Variants in TULP4 observed in about 807,000 individuals in gnomAD.
The protein encoded by TULP4 is tubby-related protein 4.
Under a neutral mutation model 129.0 loss-of-function variants are expected in TULP4, and 16 were observed. The ratio of observed to expected loss-of-function variants is 0.12; its 90% CI spans 0.08 to 0.19. The LOEUF (loss-of-function observed/expected upper bound fraction) is 0.19, where lower values mean the gene tolerates loss of function less well. TULP4 is among the 10% of genes least tolerant of loss of function. The probability of loss-of-function intolerance (pLI) is 1.00; values close to 1 mark genes in which losing one functional copy is unlikely to be tolerated. For missense variants in TULP4, 1,842 were observed against 2,059.1 expected, an observed-to-expected ratio of 0.89 and a Z score of 2.04; for synonymous variants, 998 against 854.0, an observed-to-expected ratio of 1.17 and a Z score of -2.94.
intron 1 of TULP4, among the ~76,000 whole-genome samples, chr6:158,320,244 C>CT (rs1779593903): frequency 6.6e-6 from 1 of 152,022 alleles, no homozygotes; most frequent in African/African-American, 2.4e-5. Flanking sequence ...ATGAGTTTTT[C>CT]TTTTAAAAGA....
intron 1 of TULP4, among the ~76,000 whole-genome samples, chr6:158,357,986 G>A (rs1402694283): frequency 6.6e-6 from 1 of 152,166 alleles, no homozygotes; most frequent in Non-Finnish European, 1.5e-5. Flanking sequence ...TGTGAGCAAA[G>A]GATTGTGGTT....
intron 1 of TULP4, among the ~76,000 whole-genome samples, chr6:158,337,124 T>TTC (rs1780060184): frequency 3.1e-5 from 3 of 96,738 alleles, no homozygotes; most frequent in East Asian, 3.2e-4. Context: ...CTCTCTTTCT[T>TTC]TCTCTTTTTT....
intron 1 of TULP4, among the ~76,000 whole-genome samples, chr6:158,367,293 AG>A (rs1053001167): frequency 2.0e-5 from 3 of 152,178 alleles, no homozygotes; most frequent in African/African-American, 7.2e-5. Flanking sequence ...TGTGGCCCAG[AG>A]GGGACTCAAG....
rs1377926300 is a variant in TULP4, at chr6:158,388,316, G to GTTTT, written c.253-24747_253-24744dup. On this transcript the variant is annotated intron_variant, in intron 1 of 13. Coordinates refer to ENST00000367097, the MANE Select transcript of TULP4 (RefSeq NM_020245.5). ...TTGTTTAAAGAAAAATAATCTGCTC[G>GTTTT]TTTTTCTTTTTTTTTTTTTTTTTTT... Among the ~76,000 whole-genome samples the GTTTT allele has an allele frequency of 7.9e-3, 728 of 92,668 alleles. 38 individuals carry two copies. The highest frequency in any genetic ancestry group is 0.015 in the South Asian group (41 of 2,720). 60.8% of individuals were successfully genotyped at this position (92,668 alleles called of 152,430 possible).
chr6:158,325,603 C>T (rs1400448354), intron 1 of TULP4, among the ~76,000 whole-genome samples: 1 of 152,144 alleles, frequency 6.6e-6, no homozygotes, highest in East Asian at 1.9e-4. Flanking sequence ...CCGCCCGCCT[C>T]GGCCTCCCAA....
At chr6:158,376,127 T>G (rs960362656) in intron 1 of TULP4, among the ~76,000 whole-genome samples, 1 of 152,174 alleles carries the variant, frequency 6.6e-6, no homozygotes, top group African/African-American at 2.4e-5. Flanking sequence ...CTGCACCTCC[T>G]CTCACCTGCC....
chr6:158,430,320 A>G (rs1320321072), intron 3 of TULP4, among the ~76,000 whole-genome samples: 1 of 71,194 alleles, frequency 1.4e-5, no homozygotes, highest in African/African-American at 6.2e-5. Flanking sequence ...TCAAAAAATT[A>G]TAAGCAATTT....
At chr6:158,438,822 T>G (rs771152822) in intron 3 of TULP4, among the ~76,000 whole-genome samples, 51 of 152,026 alleles carry the variant, frequency 3.4e-4, no homozygotes, top group Admixed American at 9.2e-4. Flanking sequence ...TGACTTCAGG[T>G]GATCTGCCCA....
At chr6:158,453,485 C>CAAAAAAAAAAAAAAAAAAAA (rs869146924) in intron 5 of TULP4, among the ~76,000 whole-genome samples, 1 of 17,982 alleles carries the variant, frequency 5.6e-5, no homozygotes, top group African/African-American at 2.1e-4. Context: ...CTCTGTCTCA[C>CAAAAAAAAAAAAAAAAAAAA]AAAAAAAAAA....
intron 2 of TULP4, among the ~76,000 whole-genome samples, chr6:158,421,441 G>C (rs544791441): frequency 6.6e-6 from 1 of 152,182 alleles, no homozygotes; most frequent in African/African-American, 2.4e-5. Context: ...CCAGGCTATG[G>C]TGAATTTAAA....
intron 4 of TULP4, 150 bp from the exon 5 acceptor site, chr6:158,451,984 T>C (rs1384036213): frequency 1.3e-5 from 15 of 1,170,102 alleles, no homozygotes; most frequent in South Asian, 7.4e-5. Flanking sequence ...CTGAATGATA[T>C]AGAATGTTTC....
At chr6:158,351,241 TG>T (rs765077198) in intron 1 of TULP4, among the ~76,000 whole-genome samples, 16 of 152,204 alleles carry the variant, frequency 1.1e-4, no homozygotes, top group Non-Finnish European at 2.4e-4. Context: ...TATGAATGCT[TG>T]ATTAAGCCCA....
intron 13 of TULP4, among the ~76,000 whole-genome samples, chr6:158,505,491 C>A (rs1226104736): frequency 2.0e-5 from 3 of 152,240 alleles, no homozygotes; most frequent in Non-Finnish European, 2.9e-5. Flanking sequence ...AACCGTGTGA[C>A]CCACAAAGCT....
intron 1 of TULP4, among the ~76,000 whole-genome samples, chr6:158,319,664 G>A (rs1406751588): frequency 6.6e-6 from 1 of 151,682 alleles, no homozygotes; most frequent in East Asian, 1.9e-4. Context: ...TTTATATTAT[G>A]TAAGTATTTA....
intron 1 of TULP4, among the ~76,000 whole-genome samples, chr6:158,347,315 A>G (rs1186123205): frequency 2.0e-5 from 3 of 152,234 alleles, no homozygotes; most frequent in African/African-American, 7.2e-5. Context: ...TAACATATGT[A>G]TAGAAATCTG....
chr6:158,265,685 G>GA (rs35306645), intron 1 of TULP4, among the ~76,000 whole-genome samples: 47,926 of 143,066 alleles, frequency 0.33, 8,576 homozygotes, highest in Admixed American at 0.45. Context: ...CATCTCAGAA[G>GA]AAAAAAAAAA....
chr6:158,377,205 C>T (rs1777211648), intron 1 of TULP4, among the ~76,000 whole-genome samples: 1 of 152,180 alleles, frequency 6.6e-6, no homozygotes. Flanking sequence ...GCCACGTGGC[C>T]AGCACTGTCT....
intron 3 of TULP4, among the ~76,000 whole-genome samples, chr6:158,434,501 C>G (rs1211551259): frequency 1.3e-5 from 2 of 152,100 alleles, no homozygotes; most frequent in African/African-American, 4.8e-5. Flanking sequence ...TTTTGCAGTT[C>G]TGGAAACATC....
intron 3 of TULP4, among the ~76,000 whole-genome samples, chr6:158,439,700 C>CTTTTTTTTTTTTTT (rs71030170): frequency 1.5e-5 from 1 of 68,234 alleles, no homozygotes; most frequent in Non-Finnish European, 2.5e-5. Flanking sequence ...ACTAGAGTTT[C>CTTTTTTTTTTTTTT]TTTTTTTTTT....
Sources: gnomAD v4.1 joint callset for allele counts (sites outside exome capture counted in the v4.1 genomes callset) on GRCh38, gnomAD v4.1.1 for gene constraint, MANE v1.5 for transcripts, NCBI Gene and HGNC (gene_info 2026-07-23, HGNC 2026-07-21) for gene names.